The following TENM4 variants were observed in gnomAD, a reference collection of about 807,000 sequenced individuals.
TENM4 encodes teneurin-4.
Under a neutral mutation model 243.3 loss-of-function variants are expected in TENM4, and 82 were observed. That is an observed-to-expected ratio of 0.34 (90% CI 0.28 to 0.40). The LOEUF is 0.40. Among genes scored for constraint, TENM4 ranks in the 10% least tolerant of loss-of-function variants. TENM4 has a pLI of 1.00. For missense variants in TENM4, 3,138 were observed against 3,673.3 expected (o/e 0.85, Z 3.77); for synonymous variants, 1,412 against 1,456.3 (o/e 0.97, Z 0.69).
Position 78,824,587 on chromosome 11 carries a change from C to T in TENM4, c.1682-10192G>A, listed in dbSNP as rs370227119. Among the ~76,000 whole-genome samples the T allele has an allele frequency of 4.1e-3, 615 of 151,618 alleles. 7 individuals are homozygous for T. The highest frequency in any genetic ancestry group is 0.014 in the African/African-American group (575 of 41,324). On this transcript the variant is annotated intron_variant, in intron 12 of 33. Coordinates refer to ENST00000278550, the MANE Select transcript of TENM4 (RefSeq NM_001098816.3). The stretch of plus-strand genomic sequence containing the variant: ...CACGATCTCGGCTCACTGCAACCTC[C>T]GCCTCCCGGTTTCAAGCAATTCTCC...
chr11:78,787,588 C>T lies in TENM4; in HGVS notation c.2180-505G>A, dbSNP rs190321987. ...TTCTGGGGCCTGCATTTCATGACGG[C>T]CTGGACTCTGATTGAGGTTGGGGTG... On this transcript the variant is annotated intron_variant, in intron 15 of 33. Transcript: ENST00000278550. Among the ~76,000 whole-genome samples, 457 of 152,284 alleles carry T rather than the reference C, an allele frequency of 3.0e-3. 3 individuals are homozygous for T. The highest frequency in any genetic ancestry group is 0.01 in the African/African-American group (433 of 41,556).
chr11:78,977,106 G>A (rs1422198529), intron 6 of TENM4, among the ~76,000 whole-genome samples: 2 of 152,154 alleles, frequency 1.3e-5, no homozygotes, highest in East Asian at 1.9e-4. Context: ...TCTTCCTAGC[G>A]CTAGTGGGTT....
At chr11:79,376,902 A>G (rs920078277) in intron 1 of TENM4, among the ~76,000 whole-genome samples, 4 of 152,190 alleles carry the variant, frequency 2.6e-5, no homozygotes, top group African/African-American at 9.7e-5. Context: ...GCTCCCAATG[A>G]TATCAGGTAC....
chr11:79,217,135 C>T (rs534926598), intron 2 of TENM4, among the ~76,000 whole-genome samples: 1 of 152,018 alleles, frequency 6.6e-6, no homozygotes, highest in Non-Finnish European at 1.5e-5. Flanking sequence ...GATACCCGTA[C>T]AAAATAAAGG....
intron 7 of TENM4, among the ~76,000 whole-genome samples, chr11:78,899,569 GGGAA>G (rs1323273362): frequency 8.1e-6 from 1 of 123,760 alleles, no homozygotes. Flanking sequence ...CGGGGGGGGG[GGGAA>G]AAAGAAAAAA....
chr11:78,867,883 G>A (rs1859022938), intron 9 of TENM4, among the ~76,000 whole-genome samples: 1 of 152,024 alleles, frequency 6.6e-6, no homozygotes, highest in Non-Finnish European at 1.5e-5. Flanking sequence ...CCCAAGCCAA[G>A]CTTCTTCTTT....
chr11:78,980,783 A>T (rs940304722), intron 6 of TENM4, among the ~76,000 whole-genome samples: 1 of 152,188 alleles, frequency 6.6e-6, no homozygotes, highest in Non-Finnish European at 1.5e-5. Context: ...GGGCTTAAAG[A>T]GTTCTATGAG....
At chr11:79,083,795 C>T (rs967713556) in intron 4 of TENM4, among the ~76,000 whole-genome samples, 3 of 152,142 alleles carry the variant, frequency 2.0e-5, no homozygotes, top group Non-Finnish European at 4.4e-5. Flanking sequence ...ACAGGCTTTA[C>T]ATCAAAGGCA....
chr11:79,177,149 A>G (rs1464682659), intron 3 of TENM4, among the ~76,000 whole-genome samples: 1 of 151,736 alleles, frequency 6.6e-6, no homozygotes, highest in East Asian at 1.9e-4. Flanking sequence ...TTTTTTTCAA[A>G]GCAGTGGAAA....
chr11:79,360,896 T>C (rs1857577285), intron 1 of TENM4, among the ~76,000 whole-genome samples: 1 of 152,216 alleles, frequency 6.6e-6, no homozygotes, highest in Non-Finnish European at 1.5e-5. Context: ...CTGAATGATC[T>C]CTTCCTGCCC....
At chr11:79,426,944 G>A (rs1859065939) in intron 1 of TENM4, among the ~76,000 whole-genome samples, 2 of 152,264 alleles carry the variant, frequency 1.3e-5, no homozygotes, top group East Asian at 3.9e-4. Context: ...ACAGATCCAG[G>A]AAGCAAGATA....
intron 32 of TENM4, among the ~76,000 whole-genome samples, chr11:78,667,825 A>G (rs1858193567): frequency 6.6e-6 from 1 of 152,218 alleles, no homozygotes; most frequent in South Asian, 2.1e-4. Flanking sequence ...TGGCTTTGCA[A>G]GGTGGGATGT....
chr11:78,756,773 G>A (rs1565365688), intron 19 of TENM4, 32 bp downstream of exon 19: 2 of 1,589,124 alleles, frequency 1.3e-6, no homozygotes, highest in Admixed American at 3.5e-5. Flanking sequence ...CCCTCAGAGA[G>A]CCCTGGCTGG....
chr11:78,853,972 G>T, intron 12 of TENM4, 132 bp downstream of exon 12: 1 of 856,358 alleles, frequency 1.2e-6, no homozygotes, highest in Non-Finnish European at 1.8e-6. Flanking sequence ...CAGTCAGGAG[G>T]GTCTCGTGCC....
At chr11:79,412,913 A>G (rs1308357254) in intron 1 of TENM4, among the ~76,000 whole-genome samples, 1 of 152,218 alleles carries the variant, frequency 6.6e-6, no homozygotes, top group Non-Finnish European at 1.5e-5. Context: ...ATGGAACTAG[A>G]CAACACTCAG....
At chr11:79,350,722 A>C (rs747335049) in intron 1 of TENM4, among the ~76,000 whole-genome samples, 14 of 151,748 alleles carry the variant, frequency 9.2e-5, no homozygotes, top group Non-Finnish European at 1.9e-4. Flanking sequence ...TTACACGCAT[A>C]AGTCACCACT....
At chr11:79,073,898 T>C (rs746241696) in intron 4 of TENM4, among the ~76,000 whole-genome samples, 1 of 152,230 alleles carries the variant, frequency 6.6e-6, no homozygotes, top group African/African-American at 2.4e-5. Flanking sequence ...CGGGTAAGTG[T>C]CAGTTATAAC....
At chr11:79,105,528 T>C (rs771991048) in intron 4 of TENM4, among the ~76,000 whole-genome samples, 1 of 152,224 alleles carries the variant, frequency 6.6e-6, no homozygotes, top group Admixed American at 6.5e-5. Flanking sequence ...CAAGCTATAA[T>C]ATAAGTTCCA....
intron 6 of TENM4, among the ~76,000 whole-genome samples, chr11:78,914,285 CAG>C (rs1199038367): frequency 6.6e-6 from 1 of 152,178 alleles, no homozygotes; most frequent in African/African-American, 2.4e-5. Context: ...TTGTTCCTCT[CAG>C]GGAATTTCTT....
Sources: gnomAD v4.1 joint callset for allele counts (sites outside exome capture counted in the v4.1 genomes callset) on GRCh38, gnomAD v4.1.1 for gene constraint, MANE v1.5 for transcripts, NCBI Gene and HGNC (gene_info 2026-07-23, HGNC 2026-07-21) for gene names.